The following CDH12 variants were observed in gnomAD, a reference collection of about 807,000 sequenced individuals.
The protein encoded by CDH12 is cadherin 12, also known as cadherin-12.
In CDH12, 41 loss-of-function variants were observed where a neutral mutation model predicts 74.1. The ratio of observed to expected loss-of-function variants is 0.55; its 90% CI spans 0.43 to 0.72. The LOEUF (loss-of-function observed/expected upper bound fraction) is 0.72, where lower values mean the gene tolerates loss of function less well. Ranked by LOEUF, CDH12 falls within the 30% of genes least tolerant of loss-of-function variation. The pLI is 0.00. For synonymous variants in CDH12, 399 were observed against 355.0 expected (o/e 1.12, Z -1.39); for missense variants, 945 against 977.2 (o/e 0.97, Z 0.44).
At chr5:22,712,069 C>T (rs886622917) in intron 1 of CDH12, among the ~76,000 whole-genome samples, 5 of 151,894 alleles carry the variant, frequency 3.3e-5, no homozygotes, top group Admixed American at 1.3e-4. Context: ...TCTACATCAC[C>T]TAACACAGTG....
chr5:22,382,982 C>T (rs887162500), intron 3 of CDH12, among the ~76,000 whole-genome samples: 3 of 152,050 alleles, frequency 2.0e-5, no homozygotes, highest in African/African-American at 7.2e-5. Context: ...TGGAGCGCGC[C>T]GCTACGCCCA....
intron 4 of CDH12, among the ~76,000 whole-genome samples, chr5:22,175,853 G>A (rs1749302037): frequency 6.6e-6 from 1 of 152,114 alleles, no homozygotes; most frequent in Non-Finnish European, 1.5e-5. Context: ...AATAGGACCA[G>A]AGGCTGAGCT....
intron 5 of CDH12, among the ~76,000 whole-genome samples, chr5:22,048,188 G>A (rs77265509): frequency 1.6e-3 from 244 of 152,174 alleles, no homozygotes; most frequent in African/African-American, 5.8e-3. Context: ...AAGACTGTGA[G>A]GATGAAAATG....
chr5:21,858,886 T>C (rs1419421997), intron 6 of CDH12, among the ~76,000 whole-genome samples: 1 of 151,984 alleles, frequency 6.6e-6, no homozygotes, highest in Non-Finnish European at 1.5e-5. Flanking sequence ...ATTTCTTGTA[T>C]AGAGCACGTT....
At chr5:22,417,494 C>A (rs73060105) in intron 2 of CDH12, among the ~76,000 whole-genome samples, 1 of 152,248 alleles carries the variant, frequency 6.6e-6, no homozygotes. Context: ...TATGGGATGA[C>A]GTAGCAAGAA....
In CDH12 at chr5:22,131,276, A is replaced by T. The variant is rs1187941257; in HGVS notation, c.-186-52414T>A. ...GAATTCGGCATTGGCTACCAATTGTAGATGAAACATACTTTTTCAATGATT... is the reference window on the plus strand; with the variant it reads ...GAATTCGGCATTGGCTACCAATTGTTGATGAAACATACTTTTTCAATGATT... On this transcript the variant is annotated intron_variant, in intron 4 of 14. Coordinates refer to ENST00000382254, the MANE Select transcript of CDH12 (RefSeq NM_004061.5). Among the ~76,000 whole-genome samples the T allele has an allele frequency of 3.9e-5, 6 of 152,190 alleles. No individual in the cohort carries two copies. The South Asian group carries it at 8.3e-4, about 21-fold the overall frequency.
chr5:22,664,544 G>C (rs1445694576), intron 1 of CDH12, among the ~76,000 whole-genome samples: 1 of 152,130 alleles, frequency 6.6e-6, no homozygotes, highest in East Asian at 1.9e-4. Flanking sequence ...AGGGATTATG[G>C]GGATTGCAAT....
intron 1 of CDH12, among the ~76,000 whole-genome samples, chr5:22,617,902 T>A (rs533169736): frequency 4.6e-5 from 7 of 152,144 alleles, no homozygotes; most frequent in Non-Finnish European, 1.0e-4. Context: ...TAAATTGCTA[T>A]AAGCAGAACT....
chr5:22,047,322 C>A (rs892604768), intron 5 of CDH12, among the ~76,000 whole-genome samples: 1 of 152,040 alleles, frequency 6.6e-6, no homozygotes, highest in Admixed American at 6.6e-5. Context: ...TATTTCTTGG[C>A]TGCAGGCTTT....
At chr5:22,682,463 G>A (rs1393212116) in intron 1 of CDH12, among the ~76,000 whole-genome samples, 2 of 151,944 alleles carry the variant, frequency 1.3e-5, no homozygotes, top group South Asian at 2.1e-4. Context: ...CAACATACAC[G>A]GTAGTGGTCT....
At chr5:22,654,724 G>A (rs186593179) in intron 1 of CDH12, among the ~76,000 whole-genome samples, 30 of 150,676 alleles carry the variant, frequency 2.0e-4, no homozygotes, top group East Asian at 1.6e-3. Context: ...CAACCCCTGC[G>A]TCCGGGTTCA....
intron 6 of CDH12, among the ~76,000 whole-genome samples, chr5:21,955,316 A>T (rs1756047153): frequency 6.6e-6 from 1 of 151,940 alleles, no homozygotes; most frequent in Non-Finnish European, 1.5e-5. Context: ...TGAGTTTTAA[A>T]ATAAAATTAA....
At chr5:22,749,528 T>G (rs1397825412) in intron 1 of CDH12, among the ~76,000 whole-genome samples, 1 of 152,168 alleles carries the variant, frequency 6.6e-6, no homozygotes. Context: ...TGTTATAGGT[T>G]TCCTACATAG....
chr5:22,211,789 CGT>C (rs1020952065), intron 4 of CDH12, among the ~76,000 whole-genome samples: 3 of 150,100 alleles, frequency 2.0e-5, no homozygotes, highest in African/African-American at 7.3e-5. Flanking sequence ...TTTACAAACA[CGT>C]AATCTCTTAT....
intron 3 of CDH12, among the ~76,000 whole-genome samples, chr5:22,256,889 G>C (rs1561260480): frequency 6.6e-6 from 1 of 152,098 alleles, no homozygotes. Flanking sequence ...ACATGCAAGT[G>C]TATGTTCACA....
chr5:21,758,617 T>C (rs1483340031), intron 13 of CDH12, among the ~76,000 whole-genome samples: 1 of 152,188 alleles, frequency 6.6e-6, no homozygotes, highest in East Asian at 1.9e-4. Flanking sequence ...AAGTCAGAGA[T>C]ACTGATTGAT....
chr5:22,705,130 T>TATACACACACACAC (rs752782183), intron 1 of CDH12, among the ~76,000 whole-genome samples: 3 of 125,616 alleles, frequency 2.4e-5, no homozygotes, highest in African/African-American at 9.1e-5. Context: ...TATATATATA[T>TATACACACACACAC]ACACACACAC....
At chr5:22,166,243 C>T (rs1195634333) in intron 4 of CDH12, among the ~76,000 whole-genome samples, 1 of 152,142 alleles carries the variant, frequency 6.6e-6, no homozygotes, top group Non-Finnish European at 1.5e-5. Context: ...GGATATTTAT[C>T]TCTCTTGTTC....
At chr5:21,812,937 GCTCTGAAGT>G (rs1057228456) in intron 9 of CDH12, among the ~76,000 whole-genome samples, 2 of 152,078 alleles carry the variant, frequency 1.3e-5, no homozygotes, top group Non-Finnish European at 1.5e-5. Context: ...GTTTTATTAG[GCTCTGAAGT>G]CTCAAATGCT....
Sources: gnomAD v4.1 joint callset for allele counts (sites outside exome capture counted in the v4.1 genomes callset) on GRCh38, gnomAD v4.1.1 for gene constraint, MANE v1.5 for transcripts, NCBI Gene and HGNC (gene_info 2026-07-23, HGNC 2026-07-21) for gene names.